The following RNF157 variants were observed in gnomAD, a reference collection of about 807,000 sequenced individuals.
RNF157 encodes the protein E3 ubiquitin ligase RNF157.
Under a neutral mutation model 88.3 loss-of-function variants are expected in RNF157, and 55 were observed. That is an observed-to-expected ratio of 0.62 (90% CI 0.50 to 0.78). RNF157 has a LOEUF of 0.78. RNF157 is among the 30% of genes least tolerant of loss of function. The pLI is 0.00. For missense variants in RNF157, 788 were observed against 860.8 expected, an observed-to-expected ratio of 0.92 and a Z score of 1.06; for synonymous variants, 334 against 341.2, an observed-to-expected ratio of 0.98 and a Z score of 0.23.
At chr17:76,172,700 T>C (rs781150926) in intron 3 of RNF157, among the ~76,000 whole-genome samples, 3 of 150,536 alleles carry the variant, frequency 2.0e-5, no homozygotes, top group Non-Finnish European at 4.4e-5. Context: ...CTAATAAGGC[T>C]GTTCTATACA....
At position 76,164,789 on chromosome 17, in the gene RNF157, C is replaced by T. The variant is rs1218575285; in HGVS notation, c.679G>A (p.Asp227Asn). The T allele has an allele frequency of 6.2e-7, 1 of 1,611,000 alleles. No individual in the cohort carries two copies. The highest frequency in any genetic ancestry group is 1.3e-5 in the African/African-American group (1 of 74,814). ...AGGGGCTTGACACAGAAAGTTCCAT[C>T]TGTGTGCTGGAATGAAAATATGAAA... is the stretch of plus-strand genomic sequence containing the variant. ...VLLGTFEKHT[D>N]GTFCVKPLKQ... The change falls in exon 8 of 19, where the codon GAT (aspartate) becomes AAT (asparagine). Residue 227 changes from aspartate to asparagine, a missense_variant. Physicochemically the swap from Asp to Asn is conservative, Grantham distance 23. Transcript: ENST00000269391.
intron 2 of RNF157, among the ~76,000 whole-genome samples, chr17:76,190,908 A>C (rs1182855002): frequency 7.0e-6 from 1 of 143,820 alleles, no homozygotes; most frequent in Non-Finnish European, 1.5e-5. Flanking sequence ...ACTCTGTCTC[A>C]AAAAAAAAAA....
intron 7 of RNF157, 38 bp from the exon 8 acceptor site, chr17:76,164,833 G>C (rs16968638): frequency 0.19 from 284,131 of 1,498,908 alleles, 27,138 homozygotes; most frequent in Middle Eastern, 0.28. Flanking sequence ...AAGGAAGGGA[G>C]GGTAATAAAG....
intron 1 of RNF157, among the ~76,000 whole-genome samples, chr17:76,237,295 C>T (rs368200081): frequency 2.6e-5 from 4 of 152,232 alleles, no homozygotes; most frequent in African/African-American, 9.6e-5. Context: ...ATTACAAGGA[C>T]AGATGATGGT....
intron 2 of RNF157, among the ~76,000 whole-genome samples, chr17:76,198,868 A>C (rs192927180): frequency 6.6e-6 from 1 of 152,142 alleles, no homozygotes; most frequent in African/African-American, 2.4e-5. Context: ...GTCTCCTCCC[A>C]CCCTCTGGAT....
chr17:76,212,522 A>C, intron 1 of RNF157, 40 bp from the exon 2 acceptor site: 3 of 1,283,830 alleles, frequency 2.3e-6, no homozygotes, highest in Non-Finnish European at 3.4e-6. Flanking sequence ...CAAGCAGAAA[A>C]CAGTCAACCT....
intron 2 of RNF157, among the ~76,000 whole-genome samples, chr17:76,188,334 A>G (rs2069328212): frequency 6.6e-6 from 1 of 151,952 alleles, no homozygotes; most frequent in African/African-American, 2.4e-5. Context: ...CCACTCCTTG[A>G]GCCACATCCT....
chr17:76,232,969 G>A (rs2145082621), intron 1 of RNF157, among the ~76,000 whole-genome samples: 1 of 151,422 alleles, frequency 6.6e-6, no homozygotes, highest in Non-Finnish European at 1.5e-5. Context: ...CACCCAGGAT[G>A]GAGTGCAGTG....
intron 2 of RNF157, among the ~76,000 whole-genome samples, chr17:76,182,472 T>C (rs1303743600): frequency 2.0e-5 from 3 of 151,446 alleles, no homozygotes; most frequent in Admixed American, 2.0e-4. Flanking sequence ...TGTGTGTGTG[T>C]GTGTGTGTGT....
intron 1 of RNF157, 41 bp from the exon 2 acceptor site, chr17:76,212,523 C>T: frequency 3.1e-6 from 4 of 1,278,554 alleles, no homozygotes; most frequent in South Asian, 1.2e-5. Flanking sequence ...AAGCAGAAAA[C>T]AGTCAACCTA....
At chr17:76,185,471 C>CTCTCTTTTTTTT (rs1214764584) in intron 2 of RNF157, among the ~76,000 whole-genome samples, 10 of 144,364 alleles carry the variant, frequency 6.9e-5, no homozygotes, top group African/African-American at 1.9e-4. Flanking sequence ...GAGATTAGTC[C>CTCTCTTTTTTTT]TTTCTTTTTT....
chr17:76,195,431 T>TG lies in RNF157; in HGVS notation c.207+16932dup, dbSNP rs1354044106. Among the ~76,000 whole-genome samples the TG allele has an allele frequency of 2.6e-5, 4 of 151,776 alleles. No individual in the cohort carries two copies. The highest frequency in any genetic ancestry group is 5.9e-5 in the Non-Finnish European group (4 of 67,882). ...TGCTGGACATTCTAAACACTGCTAG[T>TG]GGGAAAAAAAAATTGGTAGAATCAC... On this transcript the variant is annotated intron_variant, in intron 2 of 18. Coordinates refer to ENST00000269391, the MANE Select transcript of RNF157 (RefSeq NM_052916.3). The surrounding 1 kb of genome is among the most constrained non-coding windows in gnomAD (Gnocchi z 4.4).
At chr17:76,227,545 GCA>G (rs1191329512) in intron 1 of RNF157, among the ~76,000 whole-genome samples, 2 of 152,050 alleles carry the variant, frequency 1.3e-5, no homozygotes, top group African/African-American at 4.8e-5. Flanking sequence ...GGAAACTAAT[GCA>G]CAGAGGTTAA....
intron 2 of RNF157, among the ~76,000 whole-genome samples, chr17:76,204,585 A>C (rs1243642778): frequency 6.6e-6 from 1 of 152,138 alleles, no homozygotes; most frequent in East Asian, 1.9e-4. Flanking sequence ...TTTTGCCACA[A>C]AGCTCTATAA....
At chr17:76,232,978 T>C (rs1283838155) in intron 1 of RNF157, among the ~76,000 whole-genome samples, 1 of 152,034 alleles carries the variant, frequency 6.6e-6, no homozygotes, top group Non-Finnish European at 1.5e-5. Context: ...TGGAGTGCAG[T>C]GGCCCAGTCT....
chr17:76,170,961 C>T (rs556859577), intron 3 of RNF157, among the ~76,000 whole-genome samples: 161 of 152,270 alleles, frequency 1.1e-3, no homozygotes, highest in Non-Finnish European at 2.0e-3. Flanking sequence ...GGCACAATCT[C>T]GCCTCACTGC....
chr17:76,155,568 TTCTTC>T lies in RNF157; in HGVS notation c.1687_1691del (p.Glu563ArgfsTer27). 6.2e-7 allele frequency: 1 copy of T among 1,612,112 alleles called. No homozygotes were observed. Among genetic ancestry groups the T allele is most frequent in the Non-Finnish European group, 8.5e-7 (1 of 1,179,398 alleles). On this transcript the variant is annotated frameshift_variant, in exon 15 of 19. Coordinates refer to ENST00000269391, the MANE Select transcript of RNF157 (RefSeq NM_052916.3). LOFTEE classifies it high-confidence loss of function. ...TTCCCGTCCCTTCCCTTACCTCTCCTTCTTCTGAGGGGGCCCTGCTGGCAGGCTGG... is the reference window on the plus strand; with the variant it reads ...TTCCCGTCCCTTCCCTTACCTCTCCTTGAGGGGGCCCTGCTGGCAGGCTGG...
Position 76,155,688 on chromosome 17 carries a change from G to A in RNF157, c.1572C>T (p.Ser524=). 1 of 1,610,258 alleles carries A rather than the reference G, an allele frequency of 6.2e-7. No homozygotes were observed. The highest frequency in any genetic ancestry group is 1.3e-5 in the African/African-American group (1 of 74,988). The change falls in exon 15 of 19, where the codon TCC becomes TCT. Residue 524 remains serine (S), a synonymous_variant. Coordinates refer to ENST00000269391, the MANE Select transcript of RNF157 (RefSeq NM_052916.3). ...SLAQSVMSMA[S]SQISTDTVSS... ...AGACGGTGTCAGTGCTGATCTGGGA[G>A]GATGCCATGGACATGACAGACTGGG...
rs142820140 is a variant in RNF157, at chr17:76,179,350, C to T, written c.208-5560G>A. On this transcript the variant is annotated intron_variant, in intron 2 of 18. Coordinates refer to ENST00000269391, the MANE Select transcript of RNF157 (RefSeq NM_052916.3). Reference sequence around the variant, plus strand: ...TTGAGGCTGCAGTGAGCTATGATAGCATCACTGCACTCCAGCTTGGGGGAG... The same window carrying T: ...TTGAGGCTGCAGTGAGCTATGATAGTATCACTGCACTCCAGCTTGGGGGAG... 1.1e-3 allele frequency among the ~76,000 whole-genome samples: 166 copies of T among 151,978 alleles called. 1 individual carries two copies. Among genetic ancestry groups the T allele is most frequent in the African/African-American group, 3.9e-3 (162 of 41,426 alleles).
Sources: allele counts gnomAD v4.1 joint callset (sites outside exome capture counted in the v4.1 genomes callset), GRCh38; gene constraint gnomAD v4.1.1; non-coding constraint Gnocchi (gnomAD v3.1); transcripts MANE v1.5; gene names NCBI Gene and HGNC (gene_info 2026-07-23, HGNC 2026-07-21).